The following FARS2 variants were observed in gnomAD, a reference collection of about 807,000 sequenced individuals.
FARS2 encodes phenylalanine--tRNA ligase, mitochondrial.
In FARS2, 40 loss-of-function variants were observed where a neutral mutation model predicts 46.4. The observed-to-expected ratio is 0.86, with a 90% CI of 0.67 to 1.12. FARS2 has a LOEUF of 1.12. Ranked by LOEUF, FARS2 falls within the 50% of genes most tolerant of loss-of-function variation. FARS2 has a pLI of 0.00. For missense variants in FARS2, 513 were observed against 567.9 expected (o/e 0.90, Z 0.98); for synonymous variants, 234 against 214.9 (o/e 1.09, Z -0.78).
chr6:5,658,272 A>G (rs1210946627), intron 6 of FARS2, among the ~76,000 whole-genome samples: 11 of 146,280 alleles, frequency 7.5e-5, no homozygotes, highest in Non-Finnish European at 1.7e-4. Context: ...AAAAAAAAAA[A>G]GAGAACTTAG....
intron 6 of FARS2, among the ~76,000 whole-genome samples, chr6:5,719,917 T>G (rs1287302046): frequency 6.6e-6 from 1 of 152,232 alleles, no homozygotes; most frequent in Admixed American, 6.5e-5. Flanking sequence ...ACAAACCTGT[T>G]GTGGACTCTC....
Position 5,535,766 on chromosome 6 carries a change from C to G in FARS2, c.905-9414C>G, listed in dbSNP as rs140321639. On this transcript the variant is annotated intron_variant, in intron 4 of 6. Coordinates refer to ENST00000274680, the MANE Select transcript of FARS2 (RefSeq NM_006567.5). ...GGTGTTGGACTTTGTCAGATGCATT[C>G]ACTGTATCAATTGATATGGTTATGT... 3.9e-5 allele frequency among the ~76,000 whole-genome samples: 6 copies of G among 152,300 alleles called. No individual in the cohort carries two copies. The East Asian group carries it at 1.2e-3, about 29-fold the overall frequency.
At chr6:5,409,097 C>T (rs1289973600) in intron 3 of FARS2, among the ~76,000 whole-genome samples, 6 of 152,130 alleles carry the variant, frequency 3.9e-5, no homozygotes, top group African/African-American at 1.4e-4. Flanking sequence ...CAATATATGA[C>T]TTTTCTGACT....
the FARS2 span, among the ~76,000 whole-genome samples, chr6:5,252,605 G>A: frequency 6.6e-6 from 1 of 152,034 alleles, no homozygotes; most frequent in Non-Finnish European, 1.5e-5. Flanking sequence ...TTTTCTCTCT[G>A]CTGTCTTTTC....
chr6:5,592,081 C>T (rs938904240), intron 5 of FARS2, among the ~76,000 whole-genome samples: 18 of 152,218 alleles, frequency 1.2e-4, no homozygotes, highest in African/African-American at 4.3e-4. Flanking sequence ...GCTGCTCTAG[C>T]CTTTTAAAAT....
At chr6:5,508,272 G>C (rs748691176) in intron 4 of FARS2, among the ~76,000 whole-genome samples, 2 of 152,224 alleles carry the variant, frequency 1.3e-5, no homozygotes, top group Non-Finnish European at 2.9e-5. Flanking sequence ...TTGAGACCTA[G>C]TATAGTTTTG....
At chr6:5,417,340 C>G (rs1762296888) in intron 3 of FARS2, among the ~76,000 whole-genome samples, 1 of 152,062 alleles carries the variant, frequency 6.6e-6, no homozygotes, top group South Asian at 2.1e-4. Flanking sequence ...CTTCAGCCTC[C>G]TGAGGAGCTG....
At chr6:5,547,026 A>G (rs932592998) in intron 5 of FARS2, among the ~76,000 whole-genome samples, 5 of 151,904 alleles carry the variant, frequency 3.3e-5, no homozygotes, top group Admixed American at 3.3e-4. Flanking sequence ...ATCTCAGCTC[A>G]CTGCAACCTC....
chr6:5,297,674 C>G (rs1431456469), intron 1 of FARS2, among the ~76,000 whole-genome samples: 1 of 151,654 alleles, frequency 6.6e-6, no homozygotes, highest in Admixed American at 6.6e-5. Flanking sequence ...AAAAAAAACC[C>G]AAAAGAACAG....
intron 1 of FARS2, among the ~76,000 whole-genome samples, chr6:5,313,397 T>G (rs1488169722): frequency 6.6e-6 from 1 of 152,212 alleles, no homozygotes; most frequent in Non-Finnish European, 1.5e-5. Context: ...GCATAAAGGC[T>G]CATTGACGCA....
chr6:5,763,844 A>T (rs1263699712), intron 6 of FARS2, among the ~76,000 whole-genome samples: 1 of 151,550 alleles, frequency 6.6e-6, no homozygotes, highest in Non-Finnish European at 1.5e-5. Flanking sequence ...CACTTATTTA[A>T]ATCCTGCCCA....
chr6:5,389,567 T>G (rs1304012896), intron 2 of FARS2, among the ~76,000 whole-genome samples: 1 of 152,210 alleles, frequency 6.6e-6, no homozygotes, highest in Non-Finnish European at 1.5e-5. Flanking sequence ...TCCTGTGGTG[T>G]ATCCCATCAG....
At chr6:5,381,531 G>A (rs542602646) in intron 2 of FARS2, among the ~76,000 whole-genome samples, 1 of 152,262 alleles carries the variant, frequency 6.6e-6, no homozygotes, top group Admixed American at 6.5e-5. Context: ...CAAGGAGATA[G>A]TTTTTGCTTT....
chr6:5,403,023 C>T (rs1396246736), intron 2 of FARS2, among the ~76,000 whole-genome samples: 1 of 145,492 alleles, frequency 6.9e-6, no homozygotes, highest in Non-Finnish European at 1.5e-5. Flanking sequence ...GCATTCCTTC[C>T]TGCCTGCCTG....
chr6:5,315,606 A>G (rs971027782), intron 1 of FARS2, among the ~76,000 whole-genome samples: 2 of 152,188 alleles, frequency 1.3e-5, no homozygotes, highest in African/African-American at 2.4e-5. Flanking sequence ...AACAAAATCC[A>G]TCTACAATCT....
At chr6:5,317,294 A>T (rs1204727905) in intron 1 of FARS2, among the ~76,000 whole-genome samples, 1 of 152,214 alleles carries the variant, frequency 6.6e-6, no homozygotes, top group East Asian at 1.9e-4. Context: ...GCATGCTAAA[A>T]GGCAGAAAGC....
chr6:5,656,973 G>T (rs942315371), intron 6 of FARS2, among the ~76,000 whole-genome samples: 1 of 152,036 alleles, frequency 6.6e-6, no homozygotes, highest in East Asian at 1.9e-4. Context: ...CACTTGAGTG[G>T]CTTTTGATCT....
chr6:5,656,290 A>C (rs946238275), intron 6 of FARS2, among the ~76,000 whole-genome samples: 1 of 152,194 alleles, frequency 6.6e-6, no homozygotes, highest in Non-Finnish European at 1.5e-5. Flanking sequence ...TCTCACACAC[A>C]TCAGCTGTAG....
intron 1 of FARS2, among the ~76,000 whole-genome samples, chr6:5,264,614 C>G (rs188255878): frequency 6.6e-6 from 1 of 150,880 alleles, no homozygotes; most frequent in African/African-American, 2.4e-5. Context: ...ACCATGTTGT[C>G]CAGGCTTTTC....
Sources: allele counts gnomAD v4.1 joint callset (sites outside exome capture counted in the v4.1 genomes callset), GRCh38; gene constraint gnomAD v4.1.1; transcripts MANE v1.5; gene names NCBI Gene and HGNC (gene_info 2026-07-23, HGNC 2026-07-21).